ZBTB20: variants seen among roughly 807,000 people sequenced by gnomAD.
ZBTB20 encodes the protein zinc finger and BTB domain-containing protein 20.
ZBTB20 carries 9 observed loss-of-function variants against 56.9 expected under a neutral mutation model. That is an observed-to-expected ratio of 0.16 (90% CI 0.10 to 0.28). The LOEUF is 0.28. ZBTB20 is among the 10% of genes least tolerant of loss of function. The probability of loss-of-function intolerance (pLI) is 1.00; values close to 1 mark genes in which losing one functional copy is unlikely to be tolerated. For missense variants in ZBTB20, 655 were observed against 1,003.0 expected (o/e 0.65, Z 4.69); for synonymous variants, 417 against 420.7 (o/e 0.99, Z 0.11).
chr3:115,141,269 A>G (rs1410149729), intron 1 of ZBTB20, among the ~76,000 whole-genome samples: 3 of 152,182 alleles, frequency 2.0e-5, no homozygotes, highest in Non-Finnish European at 4.4e-5. Flanking sequence ...TGCTGTTTCA[A>G]TTTCACATCA....
At chr3:114,450,287 CATT>C (rs757560678) in intron 7 of ZBTB20, among the ~76,000 whole-genome samples, 19 of 152,330 alleles carry the variant, frequency 1.2e-4, no homozygotes, top group Non-Finnish European at 2.1e-4. Context: ...ATATTTATAA[CATT>C]GTTGTTTCAA....
At chr3:114,733,614 C>T (rs1264738252) in intron 5 of ZBTB20, among the ~76,000 whole-genome samples, 1 of 152,168 alleles carries the variant, frequency 6.6e-6, no homozygotes, top group Non-Finnish European at 1.5e-5. Flanking sequence ...TACCTCTATG[C>T]CCTCTCACCC....
chr3:114,526,281 G>A (rs1212459032), intron 6 of ZBTB20, among the ~76,000 whole-genome samples: 1 of 152,022 alleles, frequency 6.6e-6, no homozygotes, highest in African/African-American at 2.4e-5. Context: ...ATGAATAAAT[G>A]ACACAATGCC....
At chr3:114,559,816 C>T (rs923793992) in intron 6 of ZBTB20, among the ~76,000 whole-genome samples, 8 of 151,922 alleles carry the variant, frequency 5.3e-5, no homozygotes, top group Admixed American at 2.0e-4. Context: ...TTGGAGTTCA[C>T]GGGAAAAAGA....
At chr3:114,832,802 T>A (rs142651900) in intron 4 of ZBTB20, among the ~76,000 whole-genome samples, 1,753 of 152,260 alleles carry the variant, frequency 0.012, 16 homozygotes, top group South Asian at 0.042. Context: ...AGTACATAAA[T>A]ATTAACGAAT....
At chr3:114,499,512 C>G (rs922028435) in intron 7 of ZBTB20, among the ~76,000 whole-genome samples, 3 of 152,172 alleles carry the variant, frequency 2.0e-5, no homozygotes, top group Non-Finnish European at 4.4e-5. Flanking sequence ...GAGTGAGAAG[C>G]AGCCAGAGGA....
chr3:114,919,706 A>G (rs2075884929), intron 3 of ZBTB20, among the ~76,000 whole-genome samples: 2 of 148,764 alleles, frequency 1.3e-5, no homozygotes, highest in Non-Finnish European at 3.0e-5. Flanking sequence ...CTCCATCTCA[A>G]AAAAAAAAAA....
At chr3:114,717,838 C>T (rs200990671) in intron 5 of ZBTB20, among the ~76,000 whole-genome samples, 19,476 of 151,894 alleles carry the variant, frequency 0.13, 1,983 homozygotes, top group African/African-American at 0.27. Context: ...CTTCTTGCAA[C>T]AATTTAACAC....
At chr3:115,116,649 C>T (rs565217539) in intron 1 of ZBTB20, among the ~76,000 whole-genome samples, 7 of 151,710 alleles carry the variant, frequency 4.6e-5, no homozygotes, top group African/African-American at 9.7e-5. Flanking sequence ...TTGAGTATGG[C>T]GTCTACACAC....
At chr3:114,631,379 A>ATTC (rs2058932800) in intron 6 of ZBTB20, among the ~76,000 whole-genome samples, 1 of 22,382 alleles carries the variant, frequency 4.5e-5, no homozygotes, top group Non-Finnish European at 1.1e-4. Context: ...TAAATAGGTT[A>ATTC]TTCTTTTTTT....
intron 7 of ZBTB20, among the ~76,000 whole-genome samples, chr3:114,488,537 C>T (rs1158014917): frequency 1.3e-5 from 2 of 152,020 alleles, no homozygotes; most frequent in African/African-American, 2.4e-5. Flanking sequence ...CATCTCATAC[C>T]TCCAGTATGA....
At chr3:114,790,256 G>A (rs997376194) in intron 5 of ZBTB20, among the ~76,000 whole-genome samples, 11 of 152,010 alleles carry the variant, frequency 7.2e-5, no homozygotes, top group Non-Finnish European at 8.8e-5. Flanking sequence ...AATAATAGAT[G>A]TTCATTGTAA....
intron 7 of ZBTB20, among the ~76,000 whole-genome samples, chr3:114,408,371 T>C (rs970420696): frequency 2.6e-5 from 4 of 152,218 alleles, no homozygotes; most frequent in Admixed American, 6.5e-5. Context: ...GTTGACAGCA[T>C]CTGAGGACAT....
intron 5 of ZBTB20, among the ~76,000 whole-genome samples, chr3:114,699,456 A>C (rs957068937): frequency 2.0e-5 from 3 of 151,992 alleles, no homozygotes; most frequent in Non-Finnish European, 4.4e-5. Flanking sequence ...TTTTTGGAAA[A>C]AAAAAATTCT....
At chr3:114,962,305 T>C (rs556694827) in intron 3 of ZBTB20, among the ~76,000 whole-genome samples, 1 of 152,270 alleles carries the variant, frequency 6.6e-6, no homozygotes, top group African/African-American at 2.4e-5. Flanking sequence ...AAATTGTATA[T>C]GGGATTTGGT....
At chr3:114,568,002 T>C (rs1214704295) in intron 6 of ZBTB20, among the ~76,000 whole-genome samples, 1 of 152,204 alleles carries the variant, frequency 6.6e-6, no homozygotes, top group Non-Finnish European at 1.5e-5. Flanking sequence ...TACTGCAGGG[T>C]GCAGCAGCAT....
At chr3:114,565,563 A>G (rs2052616169) in intron 6 of ZBTB20, among the ~76,000 whole-genome samples, 1 of 152,212 alleles carries the variant, frequency 6.6e-6, no homozygotes, top group Admixed American at 6.5e-5. Flanking sequence ...GAGTAGCTGG[A>G]ACAGGCATAC....
chr3:115,143,129 AG>A (rs1413605556), intron 1 of ZBTB20, among the ~76,000 whole-genome samples: 1 of 152,210 alleles, frequency 6.6e-6, no homozygotes, highest in African/African-American at 2.4e-5. Flanking sequence ...TCATTTAACC[AG>A]GTACCAACTT....
At chr3:114,633,096 T>C (rs926927556) in intron 6 of ZBTB20, among the ~76,000 whole-genome samples, 2 of 152,200 alleles carry the variant, frequency 1.3e-5, no homozygotes, top group Non-Finnish European at 2.9e-5. Context: ...CTTTCAAGAT[T>C]TGTAAAAAGA....
Sources: allele counts gnomAD v4.1 joint callset (sites outside exome capture counted in the v4.1 genomes callset), GRCh38; gene constraint gnomAD v4.1.1; transcripts MANE v1.5; gene names NCBI Gene and HGNC (gene_info 2026-07-23, HGNC 2026-07-21).